The following CAGE1 variants were observed in gnomAD, a reference collection of about 807,000 sequenced individuals.
CAGE1 encodes the protein cancer antigen 1.
In CAGE1, 66 loss-of-function variants were observed where a neutral mutation model predicts 94.9. That is an observed-to-expected ratio of 0.70 (90% CI 0.57 to 0.85). CAGE1 has a LOEUF of 0.85. CAGE1 is among the 40% of genes least tolerant of loss of function. The pLI is 0.00. For missense variants in CAGE1, 865 were observed against 950.4 expected (o/e 0.91, Z 1.18); for synonymous variants, 319 against 321.0 (o/e 0.99, Z 0.07).
chr6:7,388,476 T>C (rs909955370), intron 1 of CAGE1, among the ~76,000 whole-genome samples: 7 of 152,174 alleles, frequency 4.6e-5, no homozygotes, highest in African/African-American at 1.4e-4. Flanking sequence ...TCAAGGGTGT[T>C]AGTGTTTGTG....
At chr6:7,376,060 G>A (rs1421899256) in intron 4 of CAGE1, among the ~76,000 whole-genome samples, 1 of 152,140 alleles carries the variant, frequency 6.6e-6, no homozygotes, top group Non-Finnish European at 1.5e-5. Context: ...GTTATCACAG[G>A]AGTGTGTTAG....
intron 9 of CAGE1, among the ~76,000 whole-genome samples, chr6:7,361,838 A>T (rs1172522182): frequency 6.6e-6 from 1 of 152,222 alleles, no homozygotes; most frequent in Admixed American, 6.5e-5. Context: ...TAAGAATGTA[A>T]GATTCCATCT....
At chr6:7,341,397 G>C (rs1345406869) in intron 11 of CAGE1, 2 of 844,640 alleles carry the variant, frequency 2.4e-6, no homozygotes, top group Non-Finnish European at 4.0e-6. Flanking sequence ...ACTGTGGAAT[G>C]TGATGGATTC....
At chr6:7,344,918 T>C (rs1759371102) in intron 11 of CAGE1, among the ~76,000 whole-genome samples, 1 of 152,172 alleles carries the variant, frequency 6.6e-6, no homozygotes, top group Non-Finnish European at 1.5e-5. Flanking sequence ...GCAGAACCTT[T>C]GCGCCTAGCT....
chr6:7,327,155 C>T (rs1170771960), intron 13 of CAGE1, among the ~76,000 whole-genome samples: 5 of 152,048 alleles, frequency 3.3e-5, no homozygotes, highest in East Asian at 3.9e-4. Context: ...CAGGTTCAAG[C>T]GATTCTCCTG....
At chr6:7,386,148 C>A (rs1026683460) in intron 2 of CAGE1, among the ~76,000 whole-genome samples, 21 of 152,028 alleles carry the variant, frequency 1.4e-4, no homozygotes, top group African/African-American at 4.8e-4. Context: ...CTTAGGGATA[C>A]GTGATAGCAT....
At chr6:7,364,809 G>A (rs1447261272) in intron 9 of CAGE1, among the ~76,000 whole-genome samples, 1 of 152,092 alleles carries the variant, frequency 6.6e-6, no homozygotes, top group Non-Finnish European at 1.5e-5. Flanking sequence ...AAAGAGGAAA[G>A]CTTTGAACCT....
In CAGE1 at chr6:7,374,105, C is replaced by T; in HGVS notation, c.714G>A (p.Gln238=). ...CKTAVPSKEI[Q]NYGEIPEMSV... ...ACATCTCAGGAATCTCCCCATAATT[C>T]TGTATTTCTTTTGAAGGAACTGCAG... The change falls in exon 5 of 14, where the codon CAG becomes CAA. Residue 238 remains glutamine, a synonymous_variant. Transcript: ENST00000502583. 6.2e-7 allele frequency: 1 copy of T among 1,612,786 alleles called. No individual in the cohort carries two copies. The highest frequency in any genetic ancestry group is 8.5e-7 in the Non-Finnish European group (1 of 1,179,176).
chr6:7,353,900 C>T (rs1463006013), intron 11 of CAGE1, among the ~76,000 whole-genome samples: 1 of 151,906 alleles, frequency 6.6e-6, no homozygotes, highest in African/African-American at 2.4e-5. Context: ...TATGAGGACA[C>T]AAAGGCGTAA....
rs1056635960 is a variant in CAGE1 at position 7,387,123 on chromosome 6, A to T, written c.51T>A (p.His17Gln). The change falls in exon 2 of 14, where the codon CAT (histidine) becomes CAA (glutamine). Residue 17 changes from histidine to glutamine, a missense_variant. Coordinates refer to ENST00000502583, the MANE Select transcript of CAGE1 (RefSeq NM_001170692.2). ...KFWSSPSDPV[H>Q]FEVDTSHEKV... ...TTTCATGAGAAGTATCCACTTCAAA[A>T]TGTACAGGATCTGAAGGTGATGACC... 6.4e-6 allele frequency: 10 copies of T among 1,551,398 alleles called. No homozygotes were observed. Among genetic ancestry groups the T allele is most frequent in the Non-Finnish European group, 7.8e-6 (9 of 1,146,736 alleles).
intron 9 of CAGE1, among the ~76,000 whole-genome samples, chr6:7,356,347 T>C (rs936813171): frequency 6.6e-6 from 1 of 152,260 alleles, no homozygotes; most frequent in African/African-American, 2.4e-5. Context: ...TTACCTTTCC[T>C]CTTTATACTA....
At chr6:7,369,254 C>T (rs979106508) in intron 6 of CAGE1, among the ~76,000 whole-genome samples, 4 of 152,020 alleles carry the variant, frequency 2.6e-5, no homozygotes, top group African/African-American at 4.8e-5. Flanking sequence ...GTGATCTGCC[C>T]GCCTCGGCCT....
At position 7,344,481 on chromosome 6, in the gene CAGE1, G is replaced by A. The variant is rs367838656; in HGVS notation, c.2370-10391C>T. Among the ~76,000 whole-genome samples the A allele has an allele frequency of 3.0e-3, 464 of 152,326 alleles. 1 individual carries two copies. Among genetic ancestry groups the A allele is most frequent in the African/African-American group, 9.7e-3 (402 of 41,576 alleles). ...GGGCAGGATTCGGGACCTACAGCCC[G>A]CCATGCCTGAGCCTCGCAACCCCTC... On this transcript the variant is annotated intron_variant, in intron 11 of 13. Coordinates refer to ENST00000502583, the MANE Select transcript of CAGE1 (RefSeq NM_001170692.2).
Position 7,365,904 on chromosome 6 carries a change from C to T in CAGE1, c.2005-20G>A, listed in dbSNP as rs1760314713. ...CAGTAGCTAAGAAAAGGAAAACATT[C>T]TGTATTTTAGAGAGAAAATACAACT... On this transcript the variant is annotated intron_variant, in intron 7 of 13. Transcript: ENST00000502583. The T allele has an allele frequency of 7.3e-7, 1 of 1,361,724 alleles. No individual in the cohort carries two copies. The highest frequency in any genetic ancestry group is 1.0e-6 in the Non-Finnish European group (1 of 993,324). 84.4% of individuals were successfully genotyped at this position (1,361,724 alleles called of 1,614,324 possible). A position where few individuals can be genotyped will look rare whatever the true frequency, so the allele number is the denominator to read the frequency against.
intron 12 of CAGE1, among the ~76,000 whole-genome samples, chr6:7,333,781 G>C (rs1581655262): frequency 9.3e-6 from 1 of 107,472 alleles, no homozygotes; most frequent in African/African-American, 4.9e-5. Flanking sequence ...CGATCCTCCT[G>C]CCTCAGCCCC....
At chr6:7,331,701 C>CT (rs1235663947) in intron 12 of CAGE1, 3 of 176,384 alleles carry the variant, frequency 1.7e-5, no homozygotes, top group Admixed American at 6.3e-5. Context: ...GGTGGTGCAG[C>CT]TGGAGGACTT....
At chr6:7,345,204 C>T (rs1441731729) in intron 11 of CAGE1, among the ~76,000 whole-genome samples, 2 of 151,790 alleles carry the variant, frequency 1.3e-5, no homozygotes, top group East Asian at 1.9e-4. Context: ...TAGTTTCACT[C>T]TTTGAAGTTA....
intron 11 of CAGE1, among the ~76,000 whole-genome samples, chr6:7,343,877 C>G (rs190587186): frequency 1.8e-3 from 278 of 152,174 alleles, no homozygotes; most frequent in African/African-American, 6.2e-3. Context: ...GTGATGGGGA[C>G]AAAGATAGAA....
At chr6:7,338,851 G>A in intron 11 of CAGE1, 1 of 1,333,270 alleles carries the variant, frequency 7.5e-7, no homozygotes, top group Non-Finnish European at 1.1e-6. Flanking sequence ...ATGCTGTGGT[G>A]ACTGAGGGCA....
Sources: gnomAD v4.1 joint callset for allele counts (sites outside exome capture counted in the v4.1 genomes callset) on GRCh38, gnomAD v4.1.1 for gene constraint, MANE v1.5 for transcripts, NCBI Gene and HGNC (gene_info 2026-07-23, HGNC 2026-07-21) for gene names.